ATXN2L: variants seen among roughly 807,000 people sequenced by gnomAD.
The protein encoded by ATXN2L is ataxin 2 like, also known as ataxin-2-like protein.
A neutral mutation model predicts 120.7 loss-of-function variants in ATXN2L; 24 were observed. That is an observed-to-expected ratio of 0.20 (90% CI 0.14 to 0.28). ATXN2L has a LOEUF of 0.28. ATXN2L is among the 10% of genes least tolerant of loss of function. The probability of loss-of-function intolerance (pLI) is 1.00; values close to 1 mark genes in which losing one functional copy is unlikely to be tolerated. For missense variants in ATXN2L, 1,312 were observed against 1,432.3 expected (o/e 0.92, Z 1.36); for synonymous variants, 653 against 568.1 (o/e 1.15, Z -2.13).
chr16:28,823,851 TG>T (rs202189464), intron 1 of ATXN2L: 24,719 of 291,586 alleles, frequency 0.085, 1,207 homozygotes, highest in Non-Finnish European at 0.097. Context: ...AACGGGGAGT[TG>T]GGGGGGGGCA....
intron 10 of ATXN2L, 124 bp downstream of exon 10, chr16:28,831,196 A>G (rs2054273409): frequency 1.4e-6 from 1 of 728,790 alleles, no homozygotes; most frequent in Admixed American, 3.1e-5. Flanking sequence ...GGCATTTGGG[A>G]TTTAGTCATA....
chr16:28,833,329 G>A lies in ATXN2L; in HGVS notation c.1930G>A (p.Asp644Asn), dbSNP rs1407569468. The change falls in exon 14 of 22, where the codon GAC becomes AAC. Residue 644 changes from aspartate to asparagine, a missense_variant. Transcript: ENST00000336783. ...SPPVGLIKGE[D>N]KDEGPVAEQV... Reference sequence around the variant, plus strand: ...CCCGGTGGGCCTCATCAAGGGAGAAGACAAAGATGAGGGCCCTGTTGCTGA... The same window carrying A: ...CCCGGTGGGCCTCATCAAGGGAGAAAACAAAGATGAGGGCCCTGTTGCTGA... The A allele has an allele frequency of 1.4e-5, 22 of 1,613,416 alleles. No individual in the cohort carries two copies. The highest frequency in any genetic ancestry group is 1.8e-5 in the Non-Finnish European group (21 of 1,179,580).
intron 8 of ATXN2L, 68 bp from the exon 9 acceptor site, chr16:28,830,547 G>A (rs1212061231): frequency 6.9e-7 from 1 of 1,451,752 alleles, no homozygotes; most frequent in Non-Finnish European, 9.3e-7. Context: ...TTTAGAAGAA[G>A]AAATGGCTTC....
chr16:28,833,000 G>A (rs962251776), intron 13 of ATXN2L, 59 bp from the exon 14 acceptor site: 28 of 1,595,736 alleles, frequency 1.8e-5, no homozygotes, highest in Middle Eastern at 1.7e-4. Context: ...AAGGATGAAA[G>A]AAGAAAGCCA....
At position 28,833,142 on chromosome 16, in the gene ATXN2L, A is replaced by G. The variant is rs149527604; in HGVS notation, c.1743A>G (p.Lys581=). The change falls in exon 14 of 22, where the codon AAA becomes AAG. Residue 581 remains lysine (K), a synonymous_variant. Transcript: ENST00000336783. ...ILKEEPKGKE[K]EVDGLLTSEP... ...AGGAGGAGCCCAAAGGAAAGGAGAA[A>G]GAGGTTGATGGTCTGTTGACTTCAG... 4.3e-5 allele frequency: 69 copies of G among 1,614,202 alleles called. 1 individual carries two copies. The Middle Eastern group carries it at 3.6e-3, about 85-fold the overall frequency.
In ATXN2L at chr16:28,823,498, AGCCGCCGCC is replaced by A. The variant is rs779020531; in HGVS notation, c.245_253del (p.Pro82_Pro84del). 4 of 1,381,942 alleles carry A rather than the reference AGCCGCCGCC, an allele frequency of 2.9e-6. No individual in the cohort carries two copies. Among genetic ancestry groups the A allele is most frequent in the Non-Finnish European group, 3.7e-6 (4 of 1,070,510 alleles). The allele number at this position is 1,381,942 out of a possible 1,614,324, so 85.6% of individuals were successfully genotyped here. On this transcript the variant is annotated inframe_deletion, in exon 1 of 22. Coordinates refer to ENST00000336783, the MANE Select transcript of ATXN2L (RefSeq NM_007245.4). ...GGAGCCGAAGGCATCTTGGCGCCGC[AGCCGCCGCC>A]GCCGCAGCAACACCAGGAGAGGCCG...
intron 7 of ATXN2L, 156 bp from the exon 8 acceptor site, chr16:28,829,702 C>G: frequency 1.2e-6 from 1 of 822,908 alleles, no homozygotes; most frequent in Non-Finnish European, 2.0e-6. Context: ...CCTTGGTGCT[C>G]TACCTGGGAT....
At chr16:28,826,024 T>A (rs2051820898) in intron 4 of ATXN2L, 183 bp downstream of exon 4, 1 of 829,708 alleles carries the variant, frequency 1.2e-6, no homozygotes, top group Non-Finnish European at 1.8e-6. Context: ...AATGTTAAAA[T>A]ATTTAAGTTT....
chr16:28,825,057 TAAA>T (rs369989480), intron 1 of ATXN2L, among the ~76,000 whole-genome samples: 2 of 137,710 alleles, frequency 1.5e-5, no homozygotes, highest in South Asian at 4.8e-4. Context: ...TACTAAAAAT[TAAA>T]AAAAAAAAAA....
At position 28,826,230 on chromosome 16, in the gene ATXN2L, G is replaced by T. The variant is rs757754614; in HGVS notation, c.466-10G>T. The T allele has an allele frequency of 1.3e-5, 21 of 1,613,942 alleles. 1 individual carries two copies. The Middle Eastern group carries it at 1.5e-3, about 115-fold the overall frequency. On this transcript the variant is annotated splice_polypyrimidine_tract_variant and intron_variant, in intron 4 of 21. Transcript: ENST00000336783. ...CTGACCCATGGGTGTGGGGAATGGG[G>T]TGTTTGTAGTTTGAACTAGCCGTGG...
rs2050306612 is a variant in ATXN2L, at chr16:28,823,428, C to T, written c.169C>T (p.Pro57Ser). Residue 57 changes from proline to serine, a missense_variant, in exon 1 of 22, where the codon CCC becomes TCC. Pro to Ser is a moderately conservative substitution (Grantham distance 74). Coordinates refer to ENST00000336783, the MANE Select transcript of ATXN2L (RefSeq NM_007245.4). Reference protein sequence around the residue: ...APPGPPAAASPCLGPVAAAGS... With the variant: ...APPGPPAAASSCLGPVAAAGS... ...TCCCGGGCCTCCAGCGGCCGCCTCC[C>T]CCTGCCTGGGGCCTGTGGCCGCTGC... The T allele has an allele frequency of 8.4e-6, 11 of 1,309,802 alleles. No homozygotes were observed. The highest frequency in any genetic ancestry group is 1.5e-5 in the African/African-American group (1 of 64,712). The allele number at this position is 1,309,802 out of a possible 1,614,324, so 81.1% of individuals were successfully genotyped here.
At chr16:28,824,697 C>G (rs1370452746) in intron 1 of ATXN2L, 6 of 740,812 alleles carry the variant, frequency 8.1e-6, no homozygotes, top group South Asian at 4.3e-5. Flanking sequence ...CAAAGCTGCA[C>G]TCCTGGAGCT....
intron 15 of ATXN2L, 151 bp downstream of exon 15, chr16:28,833,659 C>T (rs2055369167): frequency 1.4e-5 from 12 of 873,558 alleles, no homozygotes; most frequent in Non-Finnish European, 2.2e-5. Flanking sequence ...AGGATGGCAC[C>T]TTTGGGGCTG....
Position 28,823,337 on chromosome 16 carries a change from G to T in ATXN2L, c.78G>T (p.Arg26=). Reference sequence around the variant, plus strand: ...CCACGCAACAGGCCGTGGCCCGTCGGCCCCCCGGGGGCACCAGCCCTCCCA... The same window carrying T: ...CCACGCAACAGGCCGTGGCCCGTCGTCCCCCCGGGGGCACCAGCCCTCCCA... ...PPPTQQAVAR[R]PPGGTSPPNG... The change falls in exon 1 of 22, where the codon CGG becomes CGT. Residue 26 remains arginine (R), a synonymous_variant. Transcript: ENST00000336783. 7.2e-7 allele frequency: 1 copy of T among 1,387,332 alleles called. No homozygotes were observed. The allele number at this position is 1,387,332 out of a possible 1,614,324, so 85.9% of individuals were successfully genotyped here.
intron 21 of ATXN2L, 55 bp from the exon 22 acceptor site, chr16:28,835,878 C>CAA: frequency 6.4e-7 from 1 of 1,568,590 alleles, no homozygotes; most frequent in Admixed American, 1.8e-5. Flanking sequence ...CTCTGGCTCT[C>CAA]AGAGTCTGTT....
chr16:28,826,232 G>A lies in ATXN2L; in HGVS notation c.466-8G>A. ...GACCCATGGGTGTGGGGAATGGGGT[G>A]TTTGTAGTTTGAACTAGCCGTGGAT... is the stretch of plus-strand genomic sequence containing the variant. On this transcript the variant is annotated splice_region_variant and splice_polypyrimidine_tract_variant and intron_variant, in intron 4 of 21. Transcript: ENST00000336783. 1 of 1,614,026 alleles carries A rather than the reference G, an allele frequency of 6.2e-7. No homozygotes were observed. Among genetic ancestry groups the A allele is most frequent in the Admixed American group, 1.7e-5 (1 of 60,004 alleles).
intron 1 of ATXN2L, among the ~76,000 whole-genome samples, chr16:28,824,812 A>C (rs1039396596): frequency 6.6e-6 from 1 of 152,038 alleles, no homozygotes; most frequent in African/African-American, 2.4e-5. Flanking sequence ...AGCAATTGAC[A>C]ACCATTGTTG....
intron 10 of ATXN2L, 148 bp from the exon 11 acceptor site, chr16:28,832,057 T>C: frequency 1.3e-6 from 1 of 779,078 alleles, no homozygotes; most frequent in South Asian, 1.9e-5. Context: ...ATTTACCTGC[T>C]TGTGTTACCT....
chr16:28,827,099 C>T (rs1171262715), intron 6 of ATXN2L, 113 bp downstream of exon 6: 1 of 1,115,382 alleles, frequency 9.0e-7, no homozygotes, highest in Non-Finnish European at 1.2e-6. Context: ...TGATGGTAGT[C>T]AGATAACAAA....
Sources: gnomAD v4.1 joint callset for allele counts (sites outside exome capture counted in the v4.1 genomes callset) on GRCh38, gnomAD v4.1.1 for gene constraint, MANE v1.5 for transcripts, NCBI Gene and HGNC (gene_info 2026-07-23, HGNC 2026-07-21) for gene names.